The following GPBP1 variants were observed in gnomAD, a reference collection of about 807,000 sequenced individuals.
The protein encoded by GPBP1 is vasculin.
A neutral mutation model predicts 56.5 loss-of-function variants in GPBP1; 13 were observed. The observed-to-expected ratio is 0.23, with a 90% CI of 0.15 to 0.37. GPBP1 has a LOEUF of 0.37. Ranked by LOEUF, GPBP1 falls within the 10% of genes least tolerant of loss-of-function variation. The pLI is 1.00. For synonymous variants in GPBP1, 204 were observed against 188.9 expected, an observed-to-expected ratio of 1.08 and a Z score of -0.66; for missense variants, 477 against 572.3, an observed-to-expected ratio of 0.83 and a Z score of 1.70.
intron 2 of GPBP1, among the ~76,000 whole-genome samples, chr5:57,177,648 CTTTTTTTTTT>C (rs58708281): frequency 0.022 from 2,016 of 92,220 alleles, 33 homozygotes; most frequent in Admixed American, 0.034. Context: ...CAATTTTTGC[CTTTTTTTTTT>C]TTTTTTTTTT....
At chr5:57,246,533 T>G (rs143767394) in intron 7 of GPBP1, 49 bp downstream of exon 7, 1 of 1,441,458 alleles carries the variant, frequency 6.9e-7, no homozygotes, top group East Asian at 2.3e-5. Flanking sequence ...ATAACCAATT[T>G]ATGTCCTATG....
intron 2 of GPBP1, among the ~76,000 whole-genome samples, chr5:57,195,356 T>C (rs961596780): frequency 3.9e-5 from 6 of 152,126 alleles, no homozygotes; most frequent in Admixed American, 3.9e-4. Flanking sequence ...GGAGTCTTCC[T>C]ATTTTGCCCA....
chr5:57,260,007 C>T (rs559905995), intron 10 of GPBP1, among the ~76,000 whole-genome samples: 19 of 152,220 alleles, frequency 1.2e-4, no homozygotes, highest in South Asian at 1.2e-3. Context: ...CTGGTAAAGC[C>T]ATGTGCAGTT....
intron 2 of GPBP1, among the ~76,000 whole-genome samples, chr5:57,178,420 A>G (rs923138465): frequency 6.6e-6 from 1 of 151,860 alleles, no homozygotes; most frequent in Non-Finnish European, 1.5e-5. Flanking sequence ...AATTTTTTGT[A>G]TTTTTAGTAG....
At chr5:57,207,892 C>G (rs936596840) in intron 2 of GPBP1, among the ~76,000 whole-genome samples, 2 of 152,110 alleles carry the variant, frequency 1.3e-5, no homozygotes, top group South Asian at 2.1e-4. Flanking sequence ...GCATGCTTCC[C>G]TGGACATCCA....
chr5:57,260,137 T>C (rs1175336128), intron 10 of GPBP1, among the ~76,000 whole-genome samples: 6 of 152,216 alleles, frequency 3.9e-5, no homozygotes, highest in Non-Finnish European at 1.5e-5. Flanking sequence ...CTTTAATTTT[T>C]CATTCAGAAT....
At chr5:57,203,228 T>G (rs1308498363) in intron 2 of GPBP1, among the ~76,000 whole-genome samples, 2 of 152,226 alleles carry the variant, frequency 1.3e-5, no homozygotes, top group Non-Finnish European at 2.9e-5. Context: ...CATATTTATG[T>G]ATATGTATGT....
chr5:57,174,939 TCTGGCCTTA>T (rs2111679923), intron 1 of GPBP1, among the ~76,000 whole-genome samples: 1 of 152,296 alleles, frequency 6.6e-6, no homozygotes, highest in South Asian at 2.1e-4. Context: ...AGTTCACCTT[TCTGGCCTTA>T]CTGGGTGGGA....
chr5:57,210,304 A>T (rs1755419249), intron 2 of GPBP1, among the ~76,000 whole-genome samples: 1 of 152,188 alleles, frequency 6.6e-6, no homozygotes, highest in Non-Finnish European at 1.5e-5. Flanking sequence ...GATGTCGTGA[A>T]TAAATTGTAA....
chr5:57,231,023 A>G (rs1756433817), intron 4 of GPBP1, 54 bp downstream of exon 4: 5 of 1,583,746 alleles, frequency 3.2e-6, no homozygotes, highest in Non-Finnish European at 3.4e-6. Flanking sequence ...TGATTTTTAA[A>G]GAATGTTTTG....
At chr5:57,259,379 G>C (rs999705187) in intron 10 of GPBP1, among the ~76,000 whole-genome samples, 1 of 152,218 alleles carries the variant, frequency 6.6e-6, no homozygotes, top group African/African-American at 2.4e-5. Flanking sequence ...TGTGTAGCAG[G>C]TGCAAGTTAA....
intron 10 of GPBP1, among the ~76,000 whole-genome samples, chr5:57,260,216 C>T (rs1409752334): frequency 6.6e-6 from 1 of 152,158 alleles, no homozygotes; most frequent in African/African-American, 2.4e-5. Context: ...ATCGTCAGTC[C>T]TCTTCAGTTA....
chr5:57,209,005 A>G (rs1755361733), intron 2 of GPBP1, among the ~76,000 whole-genome samples: 1 of 152,128 alleles, frequency 6.6e-6, no homozygotes, highest in Non-Finnish European at 1.5e-5. Flanking sequence ...GCACTGTCTT[A>G]ATAGTTTTTG....
At chr5:57,250,412 C>A (rs1314394779) in intron 9 of GPBP1, among the ~76,000 whole-genome samples, 1 of 152,132 alleles carries the variant, frequency 6.6e-6, no homozygotes, top group Non-Finnish European at 1.5e-5. Context: ...TCCCATCTTG[C>A]CTGCCTTCAT....
chr5:57,191,460 T>C (rs564903312), intron 2 of GPBP1, among the ~76,000 whole-genome samples: 2 of 152,316 alleles, frequency 1.3e-5, no homozygotes, highest in East Asian at 3.9e-4. Flanking sequence ...CCCTTGCCTT[T>C]AAAAATTTCC....
At chr5:57,191,171 T>C (rs1445053898) in intron 2 of GPBP1, among the ~76,000 whole-genome samples, 1 of 151,842 alleles carries the variant, frequency 6.6e-6, no homozygotes, top group Non-Finnish European at 1.5e-5. Context: ...CTGCAACCTC[T>C]GCCTCCTTGG....
chr5:57,239,694 C>G (rs371944985), intron 6 of GPBP1, among the ~76,000 whole-genome samples: 20 of 152,154 alleles, frequency 1.3e-4, no homozygotes, highest in Admixed American at 9.2e-4. Flanking sequence ...GCATGAAAAT[C>G]GCTTGAACCG....
At chr5:57,259,332 ACT>A (rs559598580) in intron 10 of GPBP1, among the ~76,000 whole-genome samples, 262 of 152,304 alleles carry the variant, frequency 1.7e-3, no homozygotes, top group African/African-American at 6.0e-3. Flanking sequence ...ATTCTGTGAG[ACT>A]CTGAAAAAAG....
At chr5:57,176,987 T>TGTTGAAATG (rs1169030226) in intron 2 of GPBP1, among the ~76,000 whole-genome samples, 1 of 152,240 alleles carries the variant, frequency 6.6e-6, no homozygotes, top group African/African-American at 2.4e-5. Flanking sequence ...GAAATAGTTT[T>TGTTGAAATG]GTTGAAATGG....
Sources: allele counts gnomAD v4.1 joint callset (sites outside exome capture counted in the v4.1 genomes callset), GRCh38; gene constraint gnomAD v4.1.1; transcripts MANE v1.5; gene names NCBI Gene and HGNC (gene_info 2026-07-23, HGNC 2026-07-21).